The following DLG2 variants were observed in gnomAD, a reference collection of about 807,000 sequenced individuals.
DLG2 encodes disks large homolog 2.
Under a neutral mutation model 132.5 loss-of-function variants are expected in DLG2, and 45 were observed. That is an observed-to-expected ratio of 0.34 (90% CI 0.27 to 0.44). DLG2 has a LOEUF of 0.44. Ranked by LOEUF, DLG2 falls within the 20% of genes least tolerant of loss-of-function variation. The pLI, the probability that DLG2 is intolerant of heterozygous loss-of-function variation, is 1.00. For synonymous variants in DLG2, 424 were observed against 419.6 expected (o/e 1.01, Z -0.13); for missense variants, 1,045 against 1,196.9 (o/e 0.87, Z 1.87).
At chr11:85,035,918 C>T (rs2061398817) in intron 6 of DLG2, among the ~76,000 whole-genome samples, 1 of 152,184 alleles carries the variant, frequency 6.6e-6, no homozygotes, top group Non-Finnish European at 1.5e-5. Flanking sequence ...GTGCAGTTAA[C>T]TATCTTAAAG....
chr11:83,621,580 T>C (rs1406971946), intron 19 of DLG2, among the ~76,000 whole-genome samples: 1 of 151,998 alleles, frequency 6.6e-6, no homozygotes, highest in African/African-American at 2.4e-5. Context: ...CTTGACAGTT[T>C]AGGGCAAGTG....
chr11:84,257,490 C>T (rs2097492362), intron 7 of DLG2, among the ~76,000 whole-genome samples: 1 of 152,028 alleles, frequency 6.6e-6, no homozygotes, highest in African/African-American at 2.4e-5. Flanking sequence ...CTTATTTAAT[C>T]CTCACACAAT....
intron 6 of DLG2, among the ~76,000 whole-genome samples, chr11:84,912,217 T>A (rs907839509): frequency 6.6e-6 from 1 of 152,196 alleles, no homozygotes; most frequent in Non-Finnish European, 1.5e-5. Context: ...CGGCGCGATC[T>A]CGATCTCGGC....
intron 8 of DLG2, among the ~76,000 whole-genome samples, chr11:84,218,928 A>T (rs1161570337): frequency 1.3e-5 from 2 of 152,208 alleles, no homozygotes; most frequent in African/African-American, 4.8e-5. Flanking sequence ...GTTAAGTGAG[A>T]GAAAAATATT....
chr11:84,326,316 T>C (rs1000368462), intron 7 of DLG2, among the ~76,000 whole-genome samples: 1 of 152,130 alleles, frequency 6.6e-6, no homozygotes, highest in Admixed American at 6.6e-5. Context: ...AATGTAGAAT[T>C]AGGTTGTTTA....
chr11:85,382,680 AT>A (rs1411066150), intron 3 of DLG2, among the ~76,000 whole-genome samples: 1 of 152,194 alleles, frequency 6.6e-6, no homozygotes, highest in Non-Finnish European at 1.5e-5. Context: ...ATGGGCAAAT[AT>A]TTGAACGGAC....
At chr11:84,825,255 T>A (rs954994922) in intron 6 of DLG2, among the ~76,000 whole-genome samples, 1 of 151,808 alleles carries the variant, frequency 6.6e-6, no homozygotes, top group Admixed American at 6.6e-5. Flanking sequence ...TGTGATCAGA[T>A]CATCTTACTG....
chr11:83,979,227 A>C (rs1038656776), intron 12 of DLG2, among the ~76,000 whole-genome samples: 2 of 152,134 alleles, frequency 1.3e-5, no homozygotes, highest in Non-Finnish European at 2.9e-5. Context: ...AAGTAGGCAA[A>C]TAAATATAAA....
intron 17 of DLG2, among the ~76,000 whole-genome samples, chr11:83,789,362 G>A (rs985544855): frequency 4.5e-5 from 5 of 111,472 alleles, no homozygotes; most frequent in African/African-American, 1.7e-4. Flanking sequence ...GTGGATAGCA[G>A]CAAAGGACAG....
intron 3 of DLG2, among the ~76,000 whole-genome samples, chr11:85,594,890 A>T (rs2079623056): frequency 6.6e-6 from 1 of 151,898 alleles, no homozygotes; most frequent in African/African-American, 2.4e-5. Context: ...ACATGGTTAA[A>T]GCCCGTCTCT....
chr11:83,840,019 C>T (rs1013213357), intron 16 of DLG2, among the ~76,000 whole-genome samples: 9 of 152,206 alleles, frequency 5.9e-5, no homozygotes, highest in African/African-American at 1.7e-4. Context: ...CCTGCTTAAA[C>T]GTCTCCAGGC....
intron 6 of DLG2, among the ~76,000 whole-genome samples, chr11:85,056,841 A>G (rs2063512736): frequency 1.3e-5 from 2 of 152,032 alleles, no homozygotes; most frequent in African/African-American, 4.8e-5. Flanking sequence ...CTTGAATTTT[A>G]TATTCACTGA....
intron 15 of DLG2, among the ~76,000 whole-genome samples, chr11:83,928,788 G>A (rs115810805): frequency 0.02 from 2,974 of 152,166 alleles, 66 homozygotes; most frequent in East Asian, 0.072. Context: ...TGAGGATTAA[G>A]AGAAATAATT....
chr11:84,090,128 C>T (rs78630184), intron 10 of DLG2, among the ~76,000 whole-genome samples: 2,081 of 152,048 alleles, frequency 0.014, 50 homozygotes, highest in African/African-American at 0.046. Context: ...AGATAGGTAA[C>T]GCTGGCCAGG....
chr11:84,591,252 T>TGA (rs2099542375), intron 6 of DLG2, among the ~76,000 whole-genome samples: 1 of 151,248 alleles, frequency 6.6e-6, no homozygotes, highest in African/African-American at 2.5e-5. Context: ...TGTGTGTGTG[T>TGA]GTGTGCGCGT....
intron 19 of DLG2, among the ~76,000 whole-genome samples, chr11:83,554,284 T>C (rs922338463): frequency 2.0e-5 from 3 of 152,202 alleles, no homozygotes; most frequent in East Asian, 1.9e-4. Flanking sequence ...TTACTGAACA[T>C]TGACAACATG....
intron 3 of DLG2, among the ~76,000 whole-genome samples, chr11:85,470,253 GA>G (rs201076582): frequency 7.3e-6 from 1 of 136,736 alleles, no homozygotes. Flanking sequence ...ATTTAAAATA[GA>G]AAAAAAAACA....
At chr11:83,783,193 T>C (rs2094907334) in intron 18 of DLG2, among the ~76,000 whole-genome samples, 1 of 152,150 alleles carries the variant, frequency 6.6e-6, no homozygotes, top group South Asian at 2.1e-4. Flanking sequence ...ACTCTTCAAA[T>C]TGGTGTCAAT....
chr11:84,132,754 G>A (rs2154219367), intron 9 of DLG2, among the ~76,000 whole-genome samples: 1 of 152,110 alleles, frequency 6.6e-6, no homozygotes. Context: ...AATAACAGGG[G>A]ATAGCTAATT....
Sources: gnomAD v4.1 joint callset for allele counts (sites outside exome capture counted in the v4.1 genomes callset) on GRCh38, gnomAD v4.1.1 for gene constraint, MANE v1.5 for transcripts, NCBI Gene and HGNC (gene_info 2026-07-23, HGNC 2026-07-21) for gene names.